Variants in RABGAP1L observed in about 807,000 individuals in gnomAD.
The protein encoded by RABGAP1L is RAB GTPase activating protein 1 like.
In RABGAP1L, 63 loss-of-function variants were observed where a neutral mutation model predicts 137.7. The observed-to-expected ratio is 0.46, with a 90% CI of 0.37 to 0.56. The LOEUF is 0.56. Ranked by LOEUF, RABGAP1L falls within the 20% of genes least tolerant of loss-of-function variation. The pLI, the probability that RABGAP1L is intolerant of heterozygous loss-of-function variation, is 0.00. For synonymous variants in RABGAP1L, 431 were observed against 433.7 expected (o/e 0.99, Z 0.08); for missense variants, 1,095 against 1,244.0 (o/e 0.88, Z 1.80).
At chr1:174,209,442 A>G (rs1043110534) in intron 1 of RABGAP1L, among the ~76,000 whole-genome samples, 2 of 152,210 alleles carry the variant, frequency 1.3e-5, no homozygotes, top group Admixed American at 6.5e-5. Flanking sequence ...TTAAGGGAAC[A>G]TCGGCAGTAG....
chr1:174,248,586 G>C (rs1672457994), intron 5 of RABGAP1L, among the ~76,000 whole-genome samples: 1 of 152,122 alleles, frequency 6.6e-6, no homozygotes, highest in African/African-American at 2.4e-5. Context: ...ATTTGGCATT[G>C]AGAAGGCACT....
rs147580824 is a variant in RABGAP1L, at chr1:174,219,200, G to A, written c.43G>A (p.Asp15Asn). 1 of 1,603,874 alleles carries A rather than the reference G, an allele frequency of 6.2e-7. No individual in the cohort carries two copies. Among genetic ancestry groups the A allele is most frequent in the Non-Finnish European group, 8.5e-7 (1 of 1,174,060 alleles). Residue 15 changes from aspartate to asparagine, a missense_variant, in exon 2 of 26, where the codon GAT becomes AAT. Physicochemically the swap from Asp to Asn is conservative, Grantham distance 23. Around this residue, in one of 4 missense-constraint regions of RABGAP1L, gnomAD observed 356 missense variants for 326.3 expected, o/e 1.09. Transcript: ENST00000681986. ...ASLQKVSGSS[D>N]SVATMNSEEF... ...ATTACAGAAGGTTAGTGGATCATCTGATTCTGTGGCTACAATGAACAGTGA... is the reference window on the plus strand; with the variant it reads ...ATTACAGAAGGTTAGTGGATCATCTAATTCTGTGGCTACAATGAACAGTGA...
chr1:174,351,799 T>C lies in RABGAP1L; in HGVS notation c.1466-19180T>C, dbSNP rs555641502. 9.2e-5 allele frequency among the ~76,000 whole-genome samples: 14 copies of C among 151,796 alleles called. No individual in the cohort carries two copies. In the East Asian group the frequency reaches 9.7e-4, roughly 10 times the overall value. ...AAGTTCTCTGTGTGTTTTTTTTGTT[T>C]TGTTTTGTTTTGTTTTGTTTGAGAT... On this transcript the variant is annotated intron_variant, in intron 11 of 25. Coordinates refer to ENST00000681986, the MANE Select transcript of RABGAP1L (RefSeq NM_001366446.1).
intron 17 of RABGAP1L, among the ~76,000 whole-genome samples, chr1:174,750,657 A>G (rs1184469763): frequency 6.6e-6 from 1 of 152,222 alleles, no homozygotes; most frequent in Non-Finnish European, 1.5e-5. Flanking sequence ...AAGGAGGAGT[A>G]GCAAACTAGC....
chr1:174,858,523 C>T lies in RABGAP1L; in HGVS notation c.2340+46563C>T, dbSNP rs577147852. Among the ~76,000 whole-genome samples, 42 of 152,236 alleles carry T rather than the reference C, an allele frequency of 2.8e-4. No homozygotes were observed. The South Asian group carries it at 3.9e-3, about 14-fold the overall frequency. The stretch of plus-strand genomic sequence containing the variant: ...TCCCCACAACAAAGAGTCAGCCATT[C>T]CAAAACACTAATAGTGCCAAGATTG... On this transcript the variant is annotated intron_variant, in intron 19 of 25. Transcript: ENST00000681986.
chr1:174,234,899 G>A (rs958169173), intron 4 of RABGAP1L, among the ~76,000 whole-genome samples: 1 of 135,428 alleles, frequency 7.4e-6, no homozygotes, highest in Non-Finnish European at 1.6e-5. Flanking sequence ...CTACCCATGA[G>A]CATGGAATGT....
intron 13 of RABGAP1L, among the ~76,000 whole-genome samples, chr1:174,503,326 A>T (rs1661498818): frequency 6.6e-6 from 1 of 152,222 alleles, no homozygotes; most frequent in Non-Finnish European, 1.5e-5. Context: ...AATAATTAAA[A>T]CAAATTTTAA....
intron 10 of RABGAP1L, among the ~76,000 whole-genome samples, chr1:174,284,360 G>T (rs986330107): frequency 6.6e-6 from 1 of 152,008 alleles, no homozygotes; most frequent in African/African-American, 2.4e-5. Context: ...TTCTAGTCTA[G>T]CTTTTTTTAC....
At position 174,196,081 on chromosome 1, in the gene RABGAP1L, C is replaced by T. The variant is rs1200112397; in HGVS notation, c.-33-23044C>T. ...GGGTCTCCTGACCTCGTGATCCGCCCACCTTGGCCTCCCAGCATGAGCCAC... is the reference window on the plus strand; with the variant it reads ...GGGTCTCCTGACCTCGTGATCCGCCTACCTTGGCCTCCCAGCATGAGCCAC... On this transcript the variant is annotated intron_variant, in intron 1 of 25. Coordinates refer to ENST00000681986, the MANE Select transcript of RABGAP1L (RefSeq NM_001366446.1). 2.0e-5 allele frequency among the ~76,000 whole-genome samples: 3 copies of T among 151,876 alleles called. No individual in the cohort carries two copies. In the East Asian group the frequency reaches 5.8e-4, roughly 29 times the overall value.
At chr1:174,396,810 G>A (rs891049711) in intron 13 of RABGAP1L, among the ~76,000 whole-genome samples, 6 of 152,038 alleles carry the variant, frequency 3.9e-5, no homozygotes, top group African/African-American at 1.4e-4. Flanking sequence ...CACCATGGTA[G>A]TTTTAACTAT....
At chr1:174,165,308 C>T (rs1162157460) in intron 1 of RABGAP1L, among the ~76,000 whole-genome samples, 9 of 152,076 alleles carry the variant, frequency 5.9e-5, no homozygotes, top group Admixed American at 5.9e-4. Flanking sequence ...AACTGCCACA[C>T]CAGGCTAATT....
chr1:174,255,183 G>C (rs1211423240), intron 7 of RABGAP1L, among the ~76,000 whole-genome samples: 1 of 151,814 alleles, frequency 6.6e-6, no homozygotes, highest in Non-Finnish European at 1.5e-5. Context: ...TTTTTCATGA[G>C]ATACAAAAAA....
intron 11 of RABGAP1L, among the ~76,000 whole-genome samples, chr1:174,348,938 A>G (rs1682722806): frequency 6.6e-6 from 1 of 151,954 alleles, no homozygotes; most frequent in Non-Finnish European, 1.5e-5. Flanking sequence ...CAAAGCCGCC[A>G]TTGTCATCCT....
At chr1:174,627,066 TA>T (rs1557921532) in intron 13 of RABGAP1L, among the ~76,000 whole-genome samples, 4 of 151,714 alleles carry the variant, frequency 2.6e-5, no homozygotes, top group African/African-American at 9.7e-5. Context: ...ATAATACTTA[TA>T]AAGTTGAAAT....
intron 18 of RABGAP1L, among the ~76,000 whole-genome samples, chr1:174,784,131 C>T (rs1319586090): frequency 9.4e-5 from 14 of 149,036 alleles, no homozygotes; most frequent in Admixed American, 3.3e-4. Context: ...GCCATTCTCC[C>T]GCCTCAGCCT....
intron 19 of RABGAP1L, among the ~76,000 whole-genome samples, chr1:174,840,199 A>G (rs766628911): frequency 3.3e-5 from 5 of 152,212 alleles, no homozygotes; most frequent in Admixed American, 1.3e-4. Context: ...GGCAAAAAAT[A>G]AATTCTAGAT....
chr1:174,272,290 A>G, intron 7 of RABGAP1L, 124 bp from the exon 8 acceptor site: 1 of 985,072 alleles, frequency 1.0e-6, no homozygotes, highest in South Asian at 2.3e-5. Flanking sequence ...TTTTTAGAAA[A>G]AAAACTAAAG....
At chr1:174,820,646 A>G (rs1377932276) in intron 19 of RABGAP1L, among the ~76,000 whole-genome samples, 1 of 152,198 alleles carries the variant, frequency 6.6e-6, no homozygotes, top group African/African-American at 2.4e-5. Context: ...AGAGGAGATT[A>G]ATTCCCTTAT....
chr1:174,964,985 G>T (rs1299948591), intron 20 of RABGAP1L: 2 of 1,486,894 alleles, frequency 1.3e-6, no homozygotes, highest in Non-Finnish European at 1.8e-6. Flanking sequence ...CTTTTGAGGA[G>T]GTAAGTTTTT....
Sources: allele counts gnomAD v4.1 joint callset (sites outside exome capture counted in the v4.1 genomes callset), GRCh38; gene constraint gnomAD v4.1.1; regional missense constraint gnomAD v4.1.1; transcripts MANE v1.5; gene names NCBI Gene and HGNC (gene_info 2026-07-23, HGNC 2026-07-21).